LINGO3: variants seen among roughly 807,000 people sequenced by gnomAD.
The protein encoded by LINGO3 is leucine rich repeat and Ig domain containing 3, also known as leucine-rich repeat and immunoglobulin-like domain-containing nogo receptor-interacting protein 3.
For synonymous variants in LINGO3, 427 were observed against 444.2 expected, an observed-to-expected ratio of 0.96 and a Z score of 0.49; for missense variants, 750 against 867.7, an observed-to-expected ratio of 0.86 and a Z score of 1.70.
the LINGO3 span, among the ~76,000 whole-genome samples, chr19:2,304,748 C>T: frequency 1.2e-4 from 15 of 127,520 alleles, no homozygotes; most frequent in Admixed American, 1.9e-4. Flanking sequence ...GACAGAGTCT[C>T]GCTCTGTCAC....
chr19:2,294,872 GCTT>G (rs1158814797), upstream of LINGO3, among the ~76,000 whole-genome samples: 1 of 152,132 alleles, frequency 6.6e-6, no homozygotes, highest in Non-Finnish European at 1.5e-5. The surrounding 1 kb of genome is among the most constrained non-coding windows in gnomAD (Gnocchi z 4.3). Flanking sequence ...GCATTGCCCA[GCTT>G]CTTCTGCTTG....
At chr19:2,304,389 A>C in the LINGO3 span, among the ~76,000 whole-genome samples, 1 of 152,188 alleles carries the variant, frequency 6.6e-6, no homozygotes, top group East Asian at 1.9e-4. Flanking sequence ...GCCTCCCCAC[A>C]GCCAGCCGGT....
the LINGO3 span, among the ~76,000 whole-genome samples, chr19:2,299,815 C>CA: frequency 6.6e-6 from 1 of 150,682 alleles, no homozygotes; most frequent in South Asian, 2.1e-4. Flanking sequence ...GCTTCGCCCC[C>CA]TGGGTTCATG....
chr19:2,301,325 G>A, the LINGO3 span, among the ~76,000 whole-genome samples: 2 of 149,286 alleles, frequency 1.3e-5, no homozygotes, highest in African/African-American at 4.9e-5. Context: ...CATCTTATGT[G>A]GATGACTCTC....
downstream of LINGO3, among the ~76,000 whole-genome samples, chr19:2,289,537 C>T (rs985568616): frequency 7.2e-5 from 11 of 152,002 alleles, no homozygotes; most frequent in Admixed American, 3.3e-4. Context: ...GGCTGTGGGG[C>T]CCTTTGTGGG....
downstream of LINGO3, among the ~76,000 whole-genome samples, chr19:2,289,259 TCTGGGTGTGAGCTGTGTGTGTC>T (rs1047863353): frequency 5.5e-5 from 8 of 144,462 alleles, no homozygotes; most frequent in South Asian, 2.2e-4. Flanking sequence ...AGCTGTGTGT[TCTGGGTGTGAGCTGTGTGTGTC>T]CTGGGTGTGA....
chr19:2,300,918 G>A, the LINGO3 span, among the ~76,000 whole-genome samples: 5,690 of 152,252 alleles, frequency 0.037, 363 homozygotes, highest in African/African-American at 0.13. Context: ...GGGTGGGGCC[G>A]TCCTGGGCAC....
In LINGO3 at chr19:2,290,391, C is replaced by T. The variant is rs1048228994; in HGVS notation, c.1386G>A (p.Gly462=). The change falls in exon 1 of 1, where the codon GGG becomes GGA. Residue 462 remains glycine (G), a synonymous_variant. Transcript: ENST00000585527. This position sits in a 1 kb window ranked among gnomAD's most constrained non-coding sequence, Gnocchi z 6.0. Reference sequence around the variant, plus strand: ...GCGCGTCCTGGATCTCCAGCGTCCCCCCGGGGAGCACGCGCGCCCGGCCCG... The same window carrying T: ...GCGCGTCCTGGATCTCCAGCGTCCCTCCGGGGAGCACGCGCGCCCGGCCCG... 1.3e-5 allele frequency: 19 copies of T among 1,456,840 alleles called. No homozygotes were observed. Among genetic ancestry groups the T allele is most frequent in the Admixed American group, 7.9e-5 (3 of 37,924 alleles). 90.2% of individuals were successfully genotyped at this position (1,456,840 alleles called of 1,614,324 possible).
the LINGO3 span, among the ~76,000 whole-genome samples, chr19:2,298,536 ATTTT>A: frequency 2.3e-3 from 260 of 114,106 alleles, no homozygotes; most frequent in African/African-American, 6.2e-3. Context: ...TGGGCCAATA[ATTTT>A]TTTTTTTTTT....
chr19:2,308,142 A>AGCCGCC, the LINGO3 span, among the ~76,000 whole-genome samples: 21,333 of 139,538 alleles, frequency 0.15, 1,933 homozygotes, highest in Non-Finnish European at 0.2. Flanking sequence ...CGACACGAGC[A>AGCCGCC]GCCGCCGCCG....
At chr19:2,303,399 C>T in the LINGO3 span, among the ~76,000 whole-genome samples, 1 of 151,986 alleles carries the variant, frequency 6.6e-6, no homozygotes, top group African/African-American at 2.4e-5. Flanking sequence ...GTTTGACGGG[C>T]CCAGGGAAGA....
At chr19:2,298,831 A>C in the LINGO3 span, among the ~76,000 whole-genome samples, 1 of 151,922 alleles carries the variant, frequency 6.6e-6, no homozygotes, top group Non-Finnish European at 1.5e-5. Flanking sequence ...GAGCCACCGC[A>C]CCCGGCCCAA....
chr19:2,292,504 G>A (rs762400424), upstream of LINGO3, among the ~76,000 whole-genome samples: 5 of 149,272 alleles, frequency 3.3e-5, no homozygotes, highest in Admixed American at 6.7e-5. Context: ...TTGTTTGTCT[G>A]TTTGAGATGG....
the LINGO3 span, among the ~76,000 whole-genome samples, chr19:2,299,087 A>T: frequency 6.6e-6 from 1 of 152,150 alleles, no homozygotes; most frequent in Non-Finnish European, 1.5e-5. Flanking sequence ...CTCTGGCTCT[A>T]TAATTACTCC....
chr19:2,292,730 T>TC (rs2025538165), upstream of LINGO3, among the ~76,000 whole-genome samples: 1 of 152,080 alleles, frequency 6.6e-6, no homozygotes, highest in Non-Finnish European at 1.5e-5. Flanking sequence ...CCTCAGGTGA[T>TC]CCACCTGCCT....
the LINGO3 span, among the ~76,000 whole-genome samples, chr19:2,302,060 G>GTTT: frequency 1.3e-4 from 9 of 71,732 alleles, no homozygotes; most frequent in Non-Finnish European, 1.6e-4. Context: ...TTTGTGGGTA[G>GTTT]TTTTTTTTTT....
rs1040762404 is a variant in LINGO3 at position 2,290,606 on chromosome 19, G to T, written c.1171C>A (p.Arg391=). 3 of 1,587,558 alleles carry T rather than the reference G, an allele frequency of 1.9e-6. No homozygotes were observed. Among genetic ancestry groups the T allele is most frequent in the South Asian group, 1.1e-5 (1 of 88,936 alleles). Residue 391 remains arginine, a synonymous_variant, in exon 1 of 1, where the codon CGA becomes AGA. Transcript: ENST00000585527. This position sits in a 1 kb window ranked among gnomAD's most constrained non-coding sequence, Gnocchi z 6.0. Reference sequence around the variant, plus strand: ...AACAGCACGGAGTCCGGCAGGTTTCGCAGCGCGTCGCCGCGCACCTCGGCC... The same window carrying T: ...AACAGCACGGAGTCCGGCAGGTTTCTCAGCGCGTCGCCGCGCACCTCGGCC...
upstream of LINGO3, among the ~76,000 whole-genome samples, chr19:2,293,476 C>T (rs1323146978): frequency 6.6e-6 from 1 of 151,798 alleles, no homozygotes; most frequent in East Asian, 2.0e-4. Flanking sequence ...TCTCCTGCCT[C>T]AGCCTCCTGA....
upstream of LINGO3, among the ~76,000 whole-genome samples, chr19:2,295,844 G>T (rs868338395): frequency 6.6e-6 from 1 of 152,214 alleles, no homozygotes; most frequent in Non-Finnish European, 1.5e-5. Context: ...ATGCCACGTG[G>T]AACAGCACAG....
Sources: allele counts gnomAD v4.1 joint callset (sites outside exome capture counted in the v4.1 genomes callset), GRCh38; gene constraint gnomAD v4.1.1; non-coding constraint Gnocchi (gnomAD v3.1); transcripts MANE v1.5; gene names NCBI Gene and HGNC (gene_info 2026-07-23, HGNC 2026-07-21).